The following KLHL32 variants were observed in gnomAD, a reference collection of about 807,000 sequenced individuals.
KLHL32 encodes kelch-like protein 32.
A neutral mutation model predicts 64.8 loss-of-function variants in KLHL32; 35 were observed. That is an observed-to-expected ratio of 0.54 (90% CI 0.41 to 0.72). The LOEUF (loss-of-function observed/expected upper bound fraction) is 0.72, where lower values mean the gene tolerates loss of function less well. Ranked by LOEUF, KLHL32 falls within the 30% of genes least tolerant of loss-of-function variation. The pLI is 0.00. For synonymous variants in KLHL32, 259 were observed against 281.0 expected (o/e 0.92, Z 0.78); for missense variants, 589 against 768.5 (o/e 0.77, Z 2.76).
Position 97,085,274 on chromosome 6 carries a change from A to G in KLHL32, c.560A>G (p.Tyr187Cys), listed in dbSNP as rs777791290. The change falls in exon 6 of 11, where the codon TAT becomes TGT. Residue 187 changes from tyrosine (Y) to cysteine (C), a missense_variant. Transcript: ENST00000369261. ...SRPEEVLTLP[Y>C]CLLQEVLKSD... ...CCAGAAGAAGTTCTAACGCTTCCCT[A>G]TTGCCTGCTTCAGGAGGTGCTGAAG... The G allele has an allele frequency of 3.7e-6, 6 of 1,613,540 alleles. No individual in the cohort carries two copies. The African/African-American group carries it at 4.0e-5, about 11-fold the overall frequency.
At chr6:97,023,155 G>A (rs9487752) in intron 3 of KLHL32, among the ~76,000 whole-genome samples, 1 of 152,090 alleles carries the variant, frequency 6.6e-6, no homozygotes, top group Admixed American at 6.6e-5. Flanking sequence ...TGGGGACAGA[G>A]ATCCAAACCA....
rs1027868647 is a variant in KLHL32 at position 97,113,701 on chromosome 6, C to T, written c.628-82C>T. ...GTATTATTACCTGCCTGGAAGAATACAGGTAACCTACCTATATGCTGTTGC... is the reference window on the plus strand; with the variant it reads ...GTATTATTACCTGCCTGGAAGAATATAGGTAACCTACCTATATGCTGTTGC... On this transcript the variant is annotated intron_variant, in intron 6 of 10. Coordinates refer to ENST00000369261, the MANE Select transcript of KLHL32 (RefSeq NM_052904.4). 8.2e-6 allele frequency: 12 copies of T among 1,468,206 alleles called. No homozygotes were observed. The African/African-American group carries it at 1.5e-4, about 19-fold the overall frequency. The allele number at this position is 1,468,206 out of a possible 1,614,324, so 90.9% of individuals were successfully genotyped here.
chr6:97,110,312 G>T (rs910131094), intron 6 of KLHL32, among the ~76,000 whole-genome samples: 1 of 152,104 alleles, frequency 6.6e-6, no homozygotes, highest in Non-Finnish European at 1.5e-5. Flanking sequence ...GACCTCTACC[G>T]TGTCTGCCTC....
rs190410384 is a variant in KLHL32 at position 96,926,684 on chromosome 6, G to A, written c.-66+1658G>A. On this transcript the variant is annotated intron_variant, in intron 1 of 10. Transcript: ENST00000369261. ...CAAGACACGTGGGAGAGAGGGTAGGGAGTGGAGTGTGAACTGTGGCCTCTG... is the reference window on the plus strand; with the variant it reads ...CAAGACACGTGGGAGAGAGGGTAGGAAGTGGAGTGTGAACTGTGGCCTCTG... Among the ~76,000 whole-genome samples the A allele has an allele frequency of 1.5e-3, 227 of 152,306 alleles. 1 individual carries two copies. Among genetic ancestry groups the A allele is most frequent in the Middle Eastern group, 3.4e-3 (1 of 294 alleles).
At chr6:97,015,843 G>A (rs59468865) in intron 3 of KLHL32, among the ~76,000 whole-genome samples, 2,627 of 152,232 alleles carry the variant, frequency 0.017, 87 homozygotes, top group African/African-American at 0.06. Flanking sequence ...GGGTCGGCCC[G>A]TCACTATGTG....
intron 4 of KLHL32, 145 bp from the exon 5 acceptor site, chr6:97,064,483 C>A (rs1276180399): frequency 4.7e-6 from 3 of 635,446 alleles, no homozygotes; most frequent in Non-Finnish European, 8.2e-6. Flanking sequence ...AAGAGAAGAA[C>A]TGACTTCCAT....
chr6:96,909,065 C>T, the KLHL32 span, among the ~76,000 whole-genome samples: 1 of 152,132 alleles, frequency 6.6e-6, no homozygotes, highest in Non-Finnish European at 1.5e-5. Flanking sequence ...AGCAGAAGGG[C>T]TAAGATGCTA....
At chr6:97,060,728 C>T (rs530352902) in intron 4 of KLHL32, among the ~76,000 whole-genome samples, 3 of 152,216 alleles carry the variant, frequency 2.0e-5, no homozygotes, top group African/African-American at 7.2e-5. Context: ...AAGAGTGCCT[C>T]CTACCAGGAG....
chr6:97,091,860 T>C (rs1794287932), intron 6 of KLHL32, among the ~76,000 whole-genome samples: 1 of 152,188 alleles, frequency 6.6e-6, no homozygotes, highest in Admixed American at 6.5e-5. Context: ...ACAAGCTGTG[T>C]TCATGTTTTA....
At chr6:96,937,507 G>A (rs944608149) in intron 1 of KLHL32, among the ~76,000 whole-genome samples, 1 of 152,122 alleles carries the variant, frequency 6.6e-6, no homozygotes, top group Non-Finnish European at 1.5e-5. Context: ...TGTGTCTGTC[G>A]GGCAACAATC....
chr6:96,918,057 G>A, the KLHL32 span, among the ~76,000 whole-genome samples: 1 of 152,154 alleles, frequency 6.6e-6, no homozygotes, highest in African/African-American at 2.4e-5. Flanking sequence ...TATGTCCCCT[G>A]AGGGACAAAA....
chr6:96,999,282 G>A (rs943382629), intron 3 of KLHL32, among the ~76,000 whole-genome samples: 3 of 152,042 alleles, frequency 2.0e-5, no homozygotes, highest in Non-Finnish European at 2.9e-5. Flanking sequence ...TGTAGTCCTC[G>A]CTCCTTGGGA....
intron 3 of KLHL32, among the ~76,000 whole-genome samples, chr6:96,983,989 T>G (rs1293490598): frequency 6.6e-6 from 1 of 152,182 alleles, no homozygotes; most frequent in African/African-American, 2.4e-5. Context: ...CAATTTTAGA[T>G]CTCTCCTGCT....
intron 4 of KLHL32, among the ~76,000 whole-genome samples, chr6:97,049,567 G>A (rs1008330512): frequency 2.5e-5 from 3 of 119,196 alleles, no homozygotes; most frequent in South Asian, 3.1e-4. Context: ...CGTAGAAAGC[G>A]AAACCGTCGA....
intron 4 of KLHL32, among the ~76,000 whole-genome samples, chr6:97,045,705 A>C (rs1447856298): frequency 6.6e-6 from 1 of 152,160 alleles, no homozygotes; most frequent in East Asian, 1.9e-4. Flanking sequence ...AGAATGGCTA[A>C]GTTGATGTGT....
intron 4 of KLHL32, among the ~76,000 whole-genome samples, chr6:97,041,862 C>G (rs1479713947): frequency 1.3e-5 from 2 of 152,108 alleles, no homozygotes; most frequent in African/African-American, 4.8e-5. Flanking sequence ...TCTTAAAGAA[C>G]TATCGTAAGG....
At chr6:96,992,034 G>C (rs1406977368) in intron 3 of KLHL32, among the ~76,000 whole-genome samples, 1 of 152,218 alleles carries the variant, frequency 6.6e-6, no homozygotes, top group African/African-American at 2.4e-5. Context: ...AGCTCAGGCA[G>C]GGCTGCGATG....
intron 1 of KLHL32, among the ~76,000 whole-genome samples, chr6:96,963,742 T>C (rs1039869296): frequency 1.3e-5 from 2 of 152,232 alleles, no homozygotes; most frequent in Non-Finnish European, 2.9e-5. Flanking sequence ...TCTTTAAATG[T>C]TCAGTAAAAT....
At chr6:96,925,560 T>C (rs1402191305) in intron 1 of KLHL32, among the ~76,000 whole-genome samples, 1 of 152,216 alleles carries the variant, frequency 6.6e-6, no homozygotes, top group Non-Finnish European at 1.5e-5. Flanking sequence ...GAAAGATGAC[T>C]GCAGTTTAGA....
Sources: gnomAD v4.1 joint callset for allele counts (sites outside exome capture counted in the v4.1 genomes callset) on GRCh38, gnomAD v4.1.1 for gene constraint, MANE v1.5 for transcripts, NCBI Gene and HGNC (gene_info 2026-07-23, HGNC 2026-07-21) for gene names.